The following TMEM235 variants were observed in gnomAD, a reference collection of about 807,000 sequenced individuals.
TMEM235 encodes transmembrane protein 235, also known as claudin-27.
Under a neutral mutation model 22.9 loss-of-function variants are expected in TMEM235, and 23 were observed. The ratio of observed to expected loss-of-function variants is 1.00; its 90% CI spans 0.72 to 1.42. The LOEUF (loss-of-function observed/expected upper bound fraction) is 1.42, where lower values mean the gene tolerates loss of function less well. TMEM235 is among the 40% of genes most tolerant of loss of function. The pLI is 0.00. For synonymous variants in TMEM235, 137 were observed against 140.5 expected (o/e 0.98, Z 0.17); for missense variants, 308 against 299.5 (o/e 1.03, Z -0.21).
chr17:78,239,914 G>C (rs949547226), exon 6 of TMEM235: 10 of 1,551,224 alleles, frequency 6.4e-6, no homozygotes, highest in Middle Eastern at 3.3e-4. Flanking sequence ...TGGTGGAGAA[G>C]AGGCTGATGA....
At chr17:78,233,921 G>C in exon 3 of TMEM235, 2 of 1,535,884 alleles carry the variant, frequency 1.3e-6, no homozygotes, top group Non-Finnish European at 1.7e-6. Context: ...CCCGCTGGTC[G>C]ACCCTTTTGC....
chr17:78,232,019 C>A, exon 2 of TMEM235: 1 of 1,275,118 alleles, frequency 7.8e-7, no homozygotes, highest in African/African-American at 1.6e-5. Context: ...CCGCCGGCCG[C>A]CCCCATGGCC....
At chr17:78,232,239 C>G (rs932566796) in intron 2 of TMEM235, 26 bp downstream of exon 1, 5 of 1,428,710 alleles carry the variant, frequency 3.5e-6, no homozygotes, top group Non-Finnish European at 4.6e-6. Flanking sequence ...GCCGGCCCTC[C>G]TCCCTCCGCG....
At chr17:78,233,916 T>C in exon 3 of TMEM235, 1 of 1,535,974 alleles carries the variant, frequency 6.5e-7, no homozygotes, top group Non-Finnish European at 8.7e-7. Flanking sequence ...TGCATCCCGC[T>C]GGTCGACCCT....
exon 6 of TMEM235, chr17:78,240,224 C>A: frequency 2.1e-6 from 1 of 475,056 alleles, no homozygotes; most frequent in Non-Finnish European, 3.3e-6. Flanking sequence ...GGGTGTCATG[C>A]CATGGTGGAG....
At chr17:78,231,751 G>A in exon 2 of TMEM235, 6 of 1,232,908 alleles carry the variant, frequency 4.9e-6, no homozygotes, top group Non-Finnish European at 5.2e-6. Context: ...CGCTGGGATT[G>A]GAGCCCAAGC....
chr17:78,237,234 G>A lies in TMEM235; in HGVS notation c.410-1790G>A, dbSNP rs954548758. ...TGTCACACCAAAGGCACCTGCCCAG[G>A]GTCAGCTCGGCCCTCACCCCTCACT... On this transcript the variant is annotated intron_variant, in intron 4 of 5. Transcript: ENST00000421688. The surrounding 1 kb of genome is among the most constrained non-coding windows in gnomAD (Gnocchi z 4.7). Among the ~76,000 whole-genome samples the A allele has an allele frequency of 2.0e-5, 3 of 152,100 alleles. No individual in the cohort carries two copies. Among genetic ancestry groups the A allele is most frequent in the African/African-American group, 7.2e-5 (3 of 41,404 alleles).
chr17:78,240,047 G>A (rs1235789874), exon 6 of TMEM235: 17 of 1,475,582 alleles, frequency 1.2e-5, no homozygotes, highest in African/African-American at 7.0e-5. Flanking sequence ...GAGCACTTCC[G>A]GGAAGAGCAG....
intron 2 of TMEM235, among the ~76,000 whole-genome samples, chr17:78,233,093 A>G (rs2145914367): frequency 6.6e-6 from 1 of 152,302 alleles, no homozygotes; most frequent in East Asian, 1.9e-4. Context: ...TGTTCATCCA[A>G]CAGACTGCCT....
chr17:78,231,684 C>A, exon 2 of TMEM235: 1 of 1,288,308 alleles, frequency 7.8e-7, no homozygotes, highest in Non-Finnish European at 1.0e-6. Context: ...GCTGAGGAGC[C>A]GGGGGTTCAG....
intron 2 of TMEM235, among the ~76,000 whole-genome samples, chr17:78,232,803 C>T (rs553883740): frequency 6.6e-6 from 1 of 152,128 alleles, no homozygotes; most frequent in Non-Finnish European, 1.5e-5. Context: ...GCTGGCAGGG[C>T]AGGGGTGTGT....
chr17:78,239,487 G>T (rs902490438), intron 5 of TMEM235, among the ~76,000 whole-genome samples: 6 of 152,198 alleles, frequency 3.9e-5, no homozygotes, highest in East Asian at 1.9e-4. Context: ...CGGCAGGCTT[G>T]TTAGGGACTA....
At position 78,238,931 on chromosome 17, in the gene TMEM235, G is replaced by T; in HGVS notation, c.410-93G>T. The T allele has an allele frequency of 4.8e-6, 7 of 1,463,458 alleles. No individual in the cohort carries two copies. The highest frequency in any genetic ancestry group is 6.3e-6 in the Non-Finnish European group (7 of 1,103,222). 90.7% of individuals were successfully genotyped at this position (1,463,458 alleles called of 1,614,324 possible). A position where few individuals can be genotyped will look rare whatever the true frequency, so the allele number is the denominator to read the frequency against. Reference sequence around the variant, plus strand: ...GCAGCTCTGCCTGAATGCTAGCGGGGCCGGGGATGCTGAGGCCATGTCTGC... The same window carrying T: ...GCAGCTCTGCCTGAATGCTAGCGGGTCCGGGGATGCTGAGGCCATGTCTGC... On this transcript the variant is annotated intron_variant, in intron 4 of 5. Coordinates refer to ENST00000421688, the Ensembl canonical transcript of TMEM235. This position sits in a 1 kb window ranked among gnomAD's most constrained non-coding sequence, Gnocchi z 4.3.
exon 6 of TMEM235, chr17:78,240,115 C>A: frequency 7.5e-7 from 1 of 1,330,426 alleles, no homozygotes; most frequent in Non-Finnish European, 9.9e-7. Flanking sequence ...GGCCCCCGAC[C>A]CTTCCTCTCT....
rs758961877 is a variant in TMEM235, at chr17:78,231,601, G to C, written c.-423G>C. On this transcript the variant is annotated 5_prime_UTR_variant, in exon 2 of 6. Coordinates refer to ENST00000421688, the Ensembl canonical transcript of TMEM235. ...CCTGGCCGGCCATCCTCCTGGGGTC[G>C]GTCTCTGGCCGATCCTCCCTCCTCC... 3 of 1,303,322 alleles carry C rather than the reference G, an allele frequency of 2.3e-6. No homozygotes were observed. The African/African-American group carries it at 4.6e-5, about 20-fold the overall frequency. 80.7% of individuals were successfully genotyped at this position (1,303,322 alleles called of 1,614,324 possible). A position where few individuals can be genotyped will look rare whatever the true frequency, so the allele number is the denominator to read the frequency against.
chr17:78,236,144 G>T (rs1408487034), intron 4 of TMEM235, among the ~76,000 whole-genome samples: 2 of 152,348 alleles, frequency 1.3e-5, no homozygotes, highest in South Asian at 2.1e-4. Flanking sequence ...CTGGGACAGG[G>T]AGGAGCACCG....
rs896142951 is a variant in TMEM235 at position 78,237,951 on chromosome 17, G to T, written c.410-1073G>T. Among the ~76,000 whole-genome samples the T allele has an allele frequency of 2.0e-5, 3 of 152,190 alleles. No individual in the cohort carries two copies. Among genetic ancestry groups the T allele is most frequent in the Admixed American group, 2.0e-4 (3 of 15,286 alleles). Reference sequence around the variant, plus strand: ...GTGCCCCTTCACTGGGCACCAGTGAGATCCAGACCTGGCCCTGAATGTCAG... The same window carrying T: ...GTGCCCCTTCACTGGGCACCAGTGATATCCAGACCTGGCCCTGAATGTCAG... On this transcript the variant is annotated intron_variant, in intron 4 of 5. Coordinates refer to ENST00000421688, the Ensembl canonical transcript of TMEM235. The surrounding 1 kb of genome is among the most constrained non-coding windows in gnomAD (Gnocchi z 4.7).
At chr17:78,231,920 C>T in exon 2 of TMEM235, 1 of 991,508 alleles carries the variant, frequency 1.0e-6, no homozygotes, top group African/African-American at 1.8e-5. Context: ...CCGGGCGCCG[C>T]CGCGCCCGCC....
At chr17:78,232,250 A>G in intron 2 of TMEM235, 37 bp downstream of exon 1, 1 of 1,416,056 alleles carries the variant, frequency 7.1e-7, no homozygotes, top group Non-Finnish European at 9.2e-7. Flanking sequence ...TCCCTCCGCG[A>G]CCTCGTCCCT....
Sources: gnomAD v4.1 joint callset for allele counts (sites outside exome capture counted in the v4.1 genomes callset) on GRCh38, gnomAD v4.1.1 for gene constraint, Gnocchi (gnomAD v3.1) non-coding constraint, MANE v1.5 for transcripts, NCBI Gene and HGNC (gene_info 2026-07-23, HGNC 2026-07-21) for gene names.